Variants in MAST4 observed in about 807,000 individuals in gnomAD.
The protein encoded by MAST4 is microtubule associated serine/threonine kinase family member 4, also known as microtubule-associated serine/threonine-protein kinase 4.
A neutral mutation model predicts 162.7 loss-of-function variants in MAST4; 89 were observed. That is an observed-to-expected ratio of 0.55 (90% CI 0.46 to 0.65). MAST4 has a LOEUF of 0.65. Ranked by LOEUF, MAST4 falls within the 30% of genes least tolerant of loss-of-function variation. The pLI, the probability that MAST4 is intolerant of heterozygous loss-of-function variation, is 0.00. For missense variants in MAST4, 3,153 were observed against 3,374.0 expected, an observed-to-expected ratio of 0.93 and a Z score of 1.62; for synonymous variants, 1,479 against 1,361.1, an observed-to-expected ratio of 1.09 and a Z score of -1.91.
rs56137208 is a variant in MAST4, at chr5:67,142,203, A to G, written c.2583A>G (p.Gln861=). ...LLRQKAEFIP[Q]LESEDDTSYF... ...GACAGAAGGCAGAATTTATTCCCCA[A>G]CTGGAATCTGAGGATGACACAAGTT... The change falls in exon 20 of 29, where the codon CAA becomes CAG. Residue 861 remains glutamine, a synonymous_variant. Transcript: ENST00000403625. 1.5e-5 allele frequency: 24 copies of G among 1,613,856 alleles called. No homozygotes were observed. The African/African-American group carries it at 2.0e-4, about 13-fold the overall frequency.
In MAST4 at chr5:67,105,027, A is replaced by G. The variant is rs1318830679; in HGVS notation, c.1356+452A>G. ...ATGTGGTGTTGAGTAGTGAATGGCA[A>G]CCTATATTTTCATTAGTGTCAGTTC... On this transcript the variant is annotated intron_variant, in intron 10 of 28. Coordinates refer to ENST00000403625, the MANE Select transcript of MAST4 (RefSeq NM_001164664.2). Among the ~76,000 whole-genome samples the G allele has an allele frequency of 2.0e-5, 3 of 152,180 alleles. No individual in the cohort carries two copies. The East Asian group carries it at 5.8e-4, about 29-fold the overall frequency.
At chr5:66,764,000 G>A (rs258277) in intron 2 of MAST4, among the ~76,000 whole-genome samples, 30,167 of 152,078 alleles carry the variant, frequency 0.2, 3,676 homozygotes, top group East Asian at 0.45. Flanking sequence ...GGCCTTTTTT[G>A]TACACTGCAG....
chr5:66,946,374 T>C (rs773501445), intron 4 of MAST4, among the ~76,000 whole-genome samples: 2 of 152,204 alleles, frequency 1.3e-5, no homozygotes, highest in African/African-American at 2.4e-5. Context: ...AAGATATTGA[T>C]GTTTGCCTAA....
chr5:66,728,557 A>C (rs1346147780), intron 1 of MAST4, among the ~76,000 whole-genome samples: 2 of 152,230 alleles, frequency 1.3e-5, no homozygotes, highest in Non-Finnish European at 2.9e-5. Context: ...TGACTAAAAA[A>C]ATTTTAGACA....
chr5:66,944,916 T>C (rs79792043), intron 4 of MAST4, among the ~76,000 whole-genome samples: 8,885 of 152,236 alleles, frequency 0.058, 369 homozygotes, highest in Middle Eastern at 0.1. Context: ...TAGTGTAATC[T>C]CCTTTTTGAT....
intron 3 of MAST4, among the ~76,000 whole-genome samples, chr5:66,885,216 A>G (rs916186727): frequency 6.6e-6 from 1 of 152,190 alleles, no homozygotes; most frequent in Non-Finnish European, 1.5e-5. Context: ...CATCACCAAT[A>G]CTTGAAATAG....
chr5:67,025,386 T>G (rs906243381), intron 4 of MAST4, among the ~76,000 whole-genome samples: 1 of 152,188 alleles, frequency 6.6e-6, no homozygotes, highest in African/African-American at 2.4e-5. Context: ...GCTAATACTA[T>G]GATGATAGAT....
At chr5:66,768,778 A>G (rs1412770275) in intron 2 of MAST4, among the ~76,000 whole-genome samples, 1 of 152,158 alleles carries the variant, frequency 6.6e-6, no homozygotes, top group African/African-American at 2.4e-5. Context: ...AGATGTTACC[A>G]TTGGGGAAAC....
chr5:66,876,140 T>C (rs1761285988), intron 3 of MAST4, among the ~76,000 whole-genome samples: 1 of 152,196 alleles, frequency 6.6e-6, no homozygotes, highest in Admixed American at 6.5e-5. Flanking sequence ...GGAATATAAA[T>C]TGCAGTGTTT....
chr5:66,661,826 C>G (rs1746930775), intron 1 of MAST4, among the ~76,000 whole-genome samples: 1 of 152,188 alleles, frequency 6.6e-6, no homozygotes, highest in Admixed American at 6.5e-5. Context: ...AGGGTACACT[C>G]TGAAGTATTT....
At chr5:66,750,074 A>C (rs553642137) in intron 1 of MAST4, among the ~76,000 whole-genome samples, 2 of 152,336 alleles carry the variant, frequency 1.3e-5, no homozygotes, top group South Asian at 4.1e-4. Context: ...TTGGTTTCTT[A>C]AGATATTTAA....
intron 4 of MAST4, among the ~76,000 whole-genome samples, chr5:66,907,185 GA>G (rs1763417441): frequency 6.7e-6 from 1 of 148,522 alleles, no homozygotes; most frequent in Admixed American, 6.6e-5. Flanking sequence ...GAGAGAGAGA[GA>G]GAGAGAGAGA....
chr5:66,678,471 T>C (rs1016402702), intron 1 of MAST4, among the ~76,000 whole-genome samples: 1 of 151,976 alleles, frequency 6.6e-6, no homozygotes, highest in Non-Finnish European at 1.5e-5. Flanking sequence ...GAGTTAAGCA[T>C]TTCATAAGGT....
intron 4 of MAST4, among the ~76,000 whole-genome samples, chr5:66,956,210 C>G (rs1202547702): frequency 5.3e-5 from 8 of 152,082 alleles, no homozygotes; most frequent in African/African-American, 1.7e-4. Context: ...ACTTTCGTAT[C>G]TAGCTTTTGC....
chr5:66,611,012 C>A (rs1743255570), intron 1 of MAST4, among the ~76,000 whole-genome samples: 1 of 152,230 alleles, frequency 6.6e-6, no homozygotes, highest in African/African-American at 2.4e-5. Context: ...GTGGTCACTT[C>A]AGAAAATCCA....
At chr5:66,899,262 C>G (rs1269305783) in intron 3 of MAST4, among the ~76,000 whole-genome samples, 1 of 152,060 alleles carries the variant, frequency 6.6e-6, no homozygotes, top group Non-Finnish European at 1.5e-5. Flanking sequence ...TTTCCACAGC[C>G]TCTTGATGAT....
At chr5:67,114,015 T>C in intron 11 of MAST4, 72 bp from the exon 12 acceptor site, 1 of 1,565,254 alleles carries the variant, frequency 6.4e-7, no homozygotes, top group South Asian at 1.1e-5. Flanking sequence ...ATATTGTGAA[T>C]GGGATTTATG....
intron 1 of MAST4, among the ~76,000 whole-genome samples, chr5:66,638,331 A>C (rs1745260463): frequency 6.6e-6 from 1 of 152,162 alleles, no homozygotes; most frequent in African/African-American, 2.4e-5. Context: ...ACTGACAAAC[A>C]GCTGGTTTCC....
chr5:66,919,466 G>A (rs968310886), intron 4 of MAST4, among the ~76,000 whole-genome samples: 2 of 151,874 alleles, frequency 1.3e-5, no homozygotes, highest in Non-Finnish European at 2.9e-5. Context: ...TTTGTGACCA[G>A]CCTGGCCAAC....
Sources: allele counts gnomAD v4.1 joint callset (sites outside exome capture counted in the v4.1 genomes callset), GRCh38; gene constraint gnomAD v4.1.1; transcripts MANE v1.5; gene names NCBI Gene and HGNC (gene_info 2026-07-23, HGNC 2026-07-21).